TG: variants seen among roughly 807,000 people sequenced by gnomAD.
TG encodes thyroid hormones.
Under a neutral mutation model 324.7 loss-of-function variants are expected in TG, and 270 were observed. The observed-to-expected ratio is 0.83, with a 90% CI of 0.75 to 0.92. The LOEUF (loss-of-function observed/expected upper bound fraction) is 0.92, where lower values mean the gene tolerates loss of function less well. Ranked by LOEUF, TG falls within the 40% of genes least tolerant of loss-of-function variation. The probability of loss-of-function intolerance (pLI) is 0.00; values close to 1 mark genes in which losing one functional copy is unlikely to be tolerated. For missense variants in TG, 3,591 were observed against 3,456.4 expected (o/e 1.04, Z -0.98); for synonymous variants, 1,401 against 1,327.0 (o/e 1.06, Z -1.21).
At chr8:133,001,867 G>A in intron 35 of TG, 1 of 985,476 alleles carries the variant, frequency 1.0e-6, no homozygotes, top group Non-Finnish European at 1.2e-6. Context: ...TGCAGGTGTG[G>A]AAACCGCCTC....
At position 132,962,886 on chromosome 8, in the gene TG, C is replaced by T. The variant is rs886468709; in HGVS notation, c.5468-108C>T. 30 of 991,928 alleles carry T rather than the reference C, an allele frequency of 3.0e-5. No homozygotes were observed. The South Asian group carries it at 3.6e-4, about 12-fold the overall frequency. 61.4% of individuals were successfully genotyped at this position (991,928 alleles called of 1,614,324 possible). A position where few individuals can be genotyped will look rare whatever the true frequency, so the allele number is the denominator to read the frequency against. On this transcript the variant is annotated intron_variant, in intron 28 of 47. Coordinates refer to ENST00000220616, the MANE Select transcript of TG (RefSeq NM_003235.5). ...TCTGTTGCAGATCTTCTCTAAGTCA[C>T]CTGGCTTTAGGGCCTGATTTTTCTC...
chr8:133,087,085 C>T (rs1846695796), intron 41 of TG, among the ~76,000 whole-genome samples: 1 of 75,866 alleles, frequency 1.3e-5, no homozygotes, highest in African/African-American at 4.7e-5. Flanking sequence ...CACACACACA[C>T]ACACACACAC....
intron 43 of TG, among the ~76,000 whole-genome samples, chr8:133,104,783 G>C (rs995794204): frequency 2.0e-5 from 3 of 151,972 alleles, no homozygotes; most frequent in African/African-American, 7.3e-5. Context: ...GGGGAAGTGA[G>C]GACATGGTCA....
intron 45 of TG, among the ~76,000 whole-genome samples, chr8:133,126,719 A>G (rs1588146351): frequency 6.6e-6 from 1 of 152,132 alleles, no homozygotes; most frequent in Non-Finnish European, 1.5e-5. Flanking sequence ...GAACTTTTGC[A>G]TATTAGATTT....
Position 132,887,217 on chromosome 8 carries a change from A to C in TG, c.1845A>C (p.Leu615=). The change falls in exon 9 of 48, where the codon CTA becomes CTC. Residue 615 remains leucine, a synonymous_variant. Coordinates refer to ENST00000220616, the MANE Select transcript of TG (RefSeq NM_003235.5). ...SQTCEQTPER[L]FVPSCTTEGS... ...CCTGTGAGCAGACACCTGAAAGGCTATTTGTCCCATCATGCACGACAGAAG... is the reference window on the plus strand; with the variant it reads ...CCTGTGAGCAGACACCTGAAAGGCTCTTTGTCCCATCATGCACGACAGAAG... 6.2e-7 allele frequency: 1 copy of C among 1,611,254 alleles called. No individual in the cohort carries two copies. The highest frequency in any genetic ancestry group is 8.5e-7 in the Non-Finnish European group (1 of 1,178,126).
intron 41 of TG, among the ~76,000 whole-genome samples, chr8:133,066,652 G>T (rs1843079679): frequency 2.0e-5 from 3 of 152,198 alleles, no homozygotes; most frequent in Admixed American, 2.0e-4. Context: ...TTCAAAGCAG[G>T]CAGGCCTGAG....
At chr8:132,896,414 G>A (rs900979023) in intron 11 of TG, among the ~76,000 whole-genome samples, 1 of 152,206 alleles carries the variant, frequency 6.6e-6, no homozygotes, top group Non-Finnish European at 1.5e-5. Flanking sequence ...GAGCCATGAA[G>A]CCTGTTTCTG....
intron 35 of TG, among the ~76,000 whole-genome samples, chr8:133,003,663 A>AT (rs1833767793): frequency 6.6e-6 from 1 of 152,204 alleles, no homozygotes; most frequent in Non-Finnish European, 1.5e-5. Context: ...AAGTGCCTCC[A>AT]TGTCACCCAG....
intron 12 of TG, 142 bp from the exon 13 acceptor site, chr8:132,898,027 T>C (rs71526265): frequency 0.013 from 11,793 of 937,524 alleles, 195 homozygotes; most frequent in South Asian, 0.051. Context: ...TTGTGGACAA[T>C]GTCCGGCTGG....
intron 35 of TG, among the ~76,000 whole-genome samples, chr8:132,998,458 C>A (rs528184768): frequency 5.9e-4 from 90 of 152,338 alleles, no homozygotes; most frequent in Admixed American, 1.7e-3. Flanking sequence ...TGGGAAATTT[C>A]TTTGCCCATG....
intron 35 of TG, among the ~76,000 whole-genome samples, chr8:133,007,226 G>T (rs544683380): frequency 1.3e-5 from 2 of 152,034 alleles, no homozygotes; most frequent in African/African-American, 2.4e-5. Flanking sequence ...CTGGAGTGGC[G>T]CTGGAAGGAG....
Position 132,886,454 on chromosome 8 carries a change from G to T in TG, c.1082G>T (p.Gly361Val), listed in dbSNP as rs769649951. The change falls in exon 9 of 48, where the codon GGC becomes GTC. Residue 361 changes from glycine to valine, a missense_variant. Transcript: ENST00000220616. The stretch of plus-strand genomic sequence containing the variant: ...TTCACTTTGTCTCATGCAGCTGAAG[G>T]CCAATCTTGTGCCTCCGAAAGGCAG... ...QQGEPPSCAE[G>V]QSCASERQQA... The T allele has an allele frequency of 3.7e-6, 6 of 1,614,042 alleles. No homozygotes were observed. The highest frequency in any genetic ancestry group is 3.3e-5 in the South Asian group (3 of 91,086).
At chr8:132,948,260 T>TGTGTGC (rs1327290072) in intron 26 of TG, among the ~76,000 whole-genome samples, 1 of 151,604 alleles carries the variant, frequency 6.6e-6, no homozygotes, top group Non-Finnish European at 1.5e-5. Context: ...TGTGTGTGTG[T>TGTGTGC]GCATGTGAGA....
chr8:132,958,507 C>T (rs1029140948), intron 27 of TG, among the ~76,000 whole-genome samples: 7 of 152,116 alleles, frequency 4.6e-5, no homozygotes, highest in Admixed American at 3.3e-4. Context: ...ATCACGAGGT[C>T]AGGAGTTCAA....
chr8:132,948,187 C>CA (rs33977194), intron 26 of TG, among the ~76,000 whole-genome samples: 17 of 151,090 alleles, frequency 1.1e-4, no homozygotes, highest in South Asian at 4.2e-4. Flanking sequence ...CGTCCCCCCC[C>CA]AAAAAAAGTT....
chr8:132,899,017 G>C, intron 14 of TG, 107 bp downstream of exon 14: 1 of 1,004,710 alleles, frequency 1.0e-6, no homozygotes, highest in Non-Finnish European at 1.5e-6. Context: ...CTCACATGAT[G>C]TTCTCAGCCT....
chr8:132,882,032 G>C, intron 6 of TG, 63 bp downstream of exon 6: 1 of 1,216,308 alleles, frequency 8.2e-7, no homozygotes, highest in Non-Finnish European at 1.2e-6. Context: ...CTGAAAACCT[G>C]GATAACATTG....
In TG at chr8:133,033,012, AT is replaced by A. The variant is rs375928915; in HGVS notation, c.7239+2992del. Among the ~76,000 whole-genome samples, 52 of 152,282 alleles carry A rather than the reference AT, an allele frequency of 3.4e-4. No homozygotes were observed. The East Asian group carries it at 7.2e-3, about 21-fold the overall frequency. On this transcript the variant is annotated intron_variant, in intron 41 of 47. Coordinates refer to ENST00000220616, the MANE Select transcript of TG (RefSeq NM_003235.5). Reference sequence around the variant, plus strand: ...ACTAGAACCTAAAGCCAAGTCCTGTATTTCCCCACTCTGTGATGCTGCCTTT... The same window carrying A: ...ACTAGAACCTAAAGCCAAGTCCTGTATTCCCCACTCTGTGATGCTGCCTTT...
intron 41 of TG, among the ~76,000 whole-genome samples, chr8:133,059,866 C>G: frequency 6.6e-6 from 1 of 152,206 alleles, no homozygotes; most frequent in East Asian, 1.9e-4. Flanking sequence ...TCTTGGAGAT[C>G]CATCTCAAAA....
Sources: gnomAD v4.1 joint callset for allele counts (sites outside exome capture counted in the v4.1 genomes callset) on GRCh38, gnomAD v4.1.1 for gene constraint, MANE v1.5 for transcripts, NCBI Gene and HGNC (gene_info 2026-07-23, HGNC 2026-07-21) for gene names.